Variants in CLCN3 observed in about 807,000 individuals in gnomAD.
CLCN3 encodes the protein H(+)/Cl(-) exchange transporter 3.
Under a neutral mutation model 83.4 loss-of-function variants are expected in CLCN3, and 16 were observed. That is an observed-to-expected ratio of 0.19 (90% CI 0.13 to 0.29). The LOEUF (loss-of-function observed/expected upper bound fraction) is 0.29, where lower values mean the gene tolerates loss of function less well. CLCN3 is among the 10% of genes least tolerant of loss of function. The probability of loss-of-function intolerance (pLI) is 1.00; values close to 1 mark genes in which losing one functional copy is unlikely to be tolerated. For missense variants in CLCN3, 544 were observed against 1,006.0 expected (o/e 0.54, Z 6.21); for synonymous variants, 322 against 346.2 (o/e 0.93, Z 0.78).
chr4:169,697,229 T>C lies in CLCN3; in HGVS notation c.1058T>C (p.Phe353Ser). 6.3e-7 allele frequency: 1 copy of C among 1,598,886 alleles called. No homozygotes were observed. Among genetic ancestry groups the C allele is most frequent in the Non-Finnish European group, 8.5e-7 (1 of 1,176,566 alleles). The change falls in exon 9 of 13, where the codon TTT (phenylalanine) becomes TCT (serine). Residue 353 changes from phenylalanine to serine, a missense_variant. Transcript: ENST00000513761. ...CCTCTCAAAACTTTATGGAGATCAT[T>C]TTTTGCTGCTTTAGTGGCTGCATTT... is the stretch of plus-strand genomic sequence containing the variant. ...YFPLKTLWRS[F>S]FAALVAAFVL... is the part of the protein sequence containing the mutation.
intron 1 of CLCN3, among the ~76,000 whole-genome samples, chr4:169,624,092 A>G (rs1773171363): frequency 6.6e-6 from 1 of 152,202 alleles, no homozygotes; most frequent in African/African-American, 2.4e-5. Context: ...AACCTTGCCC[A>G]GTGCTAATGT....
chr4:169,625,052 A>G (rs563565801), intron 1 of CLCN3, among the ~76,000 whole-genome samples: 7 of 152,254 alleles, frequency 4.6e-5, no homozygotes, highest in African/African-American at 7.2e-5. Flanking sequence ...CGGCCTCCCA[A>G]AGTGCTGGAA....
intron 2 of CLCN3, among the ~76,000 whole-genome samples, chr4:169,656,845 G>A (rs1730902497): frequency 6.6e-6 from 1 of 152,164 alleles, no homozygotes; most frequent in African/African-American, 2.4e-5. Flanking sequence ...GGGAGGCTGA[G>A]GTGAGAGGAT....
chr4:169,655,238 C>A (rs1254192460), intron 2 of CLCN3, among the ~76,000 whole-genome samples: 3 of 152,158 alleles, frequency 2.0e-5, no homozygotes, highest in Non-Finnish European at 4.4e-5. Flanking sequence ...TATAGTTGAA[C>A]TTTCAAATCC....
chr4:169,713,531 G>A (rs1050066287), intron 12 of CLCN3, among the ~76,000 whole-genome samples: 2 of 152,180 alleles, frequency 1.3e-5, no homozygotes, highest in African/African-American at 4.8e-5. Flanking sequence ...ATACCTCAAA[G>A]TTGGAAAAGA....
At chr4:169,667,810 A>G (rs1276722923) in intron 2 of CLCN3, among the ~76,000 whole-genome samples, 4 of 151,144 alleles carry the variant, frequency 2.6e-5, no homozygotes, top group Non-Finnish European at 5.9e-5. Flanking sequence ...CAGTGGCACA[A>G]CCTCCACTCA....
intron 1 of CLCN3, among the ~76,000 whole-genome samples, chr4:169,622,018 G>C (rs1773123507): frequency 1.3e-5 from 2 of 152,228 alleles, no homozygotes; most frequent in South Asian, 2.1e-4. Context: ...TTCTCAACTT[G>C]AATATGCGTA....
intron 9 of CLCN3, 47 bp from the exon 10 acceptor site, chr4:169,703,951 G>A (rs765941839): frequency 6.5e-7 from 1 of 1,547,692 alleles, no homozygotes; most frequent in Non-Finnish European, 8.9e-7. Flanking sequence ...TTTCAGGCAT[G>A]TGAGTAGAGG....
intron 2 of CLCN3, among the ~76,000 whole-genome samples, chr4:169,655,237 A>G (rs1339093222): frequency 2.6e-5 from 4 of 152,208 alleles, no homozygotes; most frequent in Admixed American, 2.6e-4. Flanking sequence ...GTATAGTTGA[A>G]CTTTCAAATC....
intron 2 of CLCN3, among the ~76,000 whole-genome samples, chr4:169,669,375 C>T (rs1295153505): frequency 6.6e-6 from 1 of 152,098 alleles, no homozygotes; most frequent in Non-Finnish European, 1.5e-5. Flanking sequence ...CCTGCAGTCC[C>T]AACTACTTGG....
At chr4:169,709,762 T>TA (rs1733138290) in intron 11 of CLCN3, among the ~76,000 whole-genome samples, 1 of 152,026 alleles carries the variant, frequency 6.6e-6, no homozygotes, top group Non-Finnish European at 1.5e-5. Context: ...TGAATAGCAC[T>TA]AAAAATATTT....
At chr4:169,634,169 A>G (rs1773449057) in intron 1 of CLCN3, among the ~76,000 whole-genome samples, 1 of 152,186 alleles carries the variant, frequency 6.6e-6, no homozygotes, top group Non-Finnish European at 1.5e-5. Context: ...TTTTAGGGAT[A>G]AAATGGAGGA....
At chr4:169,634,460 TTTAA>T (rs1773456266) in intron 1 of CLCN3, among the ~76,000 whole-genome samples, 1 of 152,198 alleles carries the variant, frequency 6.6e-6, no homozygotes, top group South Asian at 2.1e-4. Context: ...CCACATAATA[TTTAA>T]TTTGTTTGCC....
intron 2 of CLCN3, among the ~76,000 whole-genome samples, chr4:169,672,802 T>C (rs140412749): frequency 0.013 from 1,946 of 152,234 alleles, 36 homozygotes; most frequent in African/African-American, 0.044. Flanking sequence ...TAGCTGGGAT[T>C]ACAGGCACCT....
At chr4:169,639,269 C>T (rs577650172) in intron 2 of CLCN3, among the ~76,000 whole-genome samples, 3 of 152,296 alleles carry the variant, frequency 2.0e-5, no homozygotes, top group Non-Finnish European at 2.9e-5. Context: ...TAGGTTCGAA[C>T]GATCCTCTTG....
intron 10 of CLCN3, 152 bp from the exon 11 acceptor site, chr4:169,706,716 C>T: frequency 3.4e-6 from 2 of 595,882 alleles, no homozygotes; most frequent in South Asian, 2.5e-5. Context: ...GATTATTGTC[C>T]TAAAAGAGGA....
intron 1 of CLCN3, among the ~76,000 whole-genome samples, chr4:169,629,349 A>G (rs146993783): frequency 1.6e-4 from 24 of 152,360 alleles, no homozygotes; most frequent in Non-Finnish European, 2.6e-4. Flanking sequence ...TTTAATTAAA[A>G]AAATTGAACA....
intron 11 of CLCN3, among the ~76,000 whole-genome samples, chr4:169,710,558 A>G (rs1228031959): frequency 2.0e-5 from 3 of 152,176 alleles, no homozygotes; most frequent in Non-Finnish European, 2.9e-5. Context: ...GAGCCACCAC[A>G]CCTGGCGAAA....
chr4:169,722,256 A>G lies in CLCN3; in HGVS notation c.*2259A>G, dbSNP rs573120677. ...TGAAGACATAAGATCATGAAGCCAT[A>G]TAAGAATGAGGATTGAAAGTTGAGC... On this transcript the variant is annotated 3_prime_UTR_variant, in exon 13 of 13. Coordinates refer to ENST00000513761, the MANE Select transcript of CLCN3 (RefSeq NM_001829.4). The G allele has an allele frequency of 2.0e-5, 3 of 152,390 alleles. No homozygotes were observed. Among genetic ancestry groups the G allele is most frequent in the Non-Finnish European group, 2.9e-5 (2 of 68,034 alleles). The allele number at this position is 152,390 out of a possible 1,614,324, so 9.4% of individuals were successfully genotyped here. A position where few individuals can be genotyped will look rare whatever the true frequency, so the allele number is the denominator to read the frequency against.
Sources: gnomAD v4.1 joint callset for allele counts (sites outside exome capture counted in the v4.1 genomes callset) on GRCh38, gnomAD v4.1.1 for gene constraint, MANE v1.5 for transcripts, NCBI Gene and HGNC (gene_info 2026-07-23, HGNC 2026-07-21) for gene names.